REV1: variants seen among roughly 807,000 people sequenced by gnomAD.
REV1 encodes the protein REV1 DNA directed polymerase, also known as translesion synthesis protein REV1.
A neutral mutation model predicts 137.4 loss-of-function variants in REV1; 42 were observed. The ratio of observed to expected loss-of-function variants is 0.31; its 90% CI spans 0.24 to 0.40. The LOEUF (loss-of-function observed/expected upper bound fraction) is 0.40, where lower values mean the gene tolerates loss of function less well. Among genes scored for constraint, REV1 ranks in the 10% least tolerant of loss-of-function variants. REV1 has a pLI of 1.00. For synonymous variants in REV1, 524 were observed against 519.2 expected (o/e 1.01, Z -0.12); for missense variants, 1,282 against 1,490.1 (o/e 0.86, Z 2.30).
At chr2:99,460,146 G>A (rs530571221) in intron 3 of REV1, among the ~76,000 whole-genome samples, 3 of 152,130 alleles carry the variant, frequency 2.0e-5, no homozygotes, top group African/African-American at 4.8e-5. Flanking sequence ...GCGCAATCTC[G>A]GCTCACTTCA....
chr2:99,447,785 T>C (rs1215925775), intron 4 of REV1, among the ~76,000 whole-genome samples: 5 of 151,556 alleles, frequency 3.3e-5, no homozygotes, highest in African/African-American at 7.3e-5. Flanking sequence ...AGTGGCGCCA[T>C]CTCAGCTCAC....
At chr2:99,458,996 C>A (rs1683846810) in intron 3 of REV1, among the ~76,000 whole-genome samples, 1 of 151,972 alleles carries the variant, frequency 6.6e-6, no homozygotes, top group Non-Finnish European at 1.5e-5. Context: ...ATCACGAGGT[C>A]AGGAGATCAA....
In REV1 at chr2:99,442,334, T is replaced by A; in HGVS notation, c.486A>T (p.Lys162Asn). The A allele has an allele frequency of 6.2e-7, 1 of 1,612,082 alleles. No individual in the cohort carries two copies. The highest frequency in any genetic ancestry group is 8.5e-7 in the Non-Finnish European group (1 of 1,179,166). Residue 162 changes from lysine to asparagine, a missense_variant, in exon 5 of 23, where the codon AAA becomes AAT. Around this residue, in one of 7 missense-constraint regions of REV1, gnomAD observed 432 missense variants for 438.0 expected, o/e 0.99. Transcript: ENST00000258428. ...AAACTTACACCCTGTTGTTGAGCTGTTTGGCTATATTGCTTGGACCTGGCA... is the reference window on the plus strand; with the variant it reads ...AAACTTACACCCTGTTGTTGAGCTGATTGGCTATATTGCTTGGACCTGGCA... ...DPLPGPSNIA[K>N]QLNNRVNHIV...
chr2:99,469,226 G>A (rs568819335), intron 1 of REV1, among the ~76,000 whole-genome samples: 40 of 152,294 alleles, frequency 2.6e-4, no homozygotes, highest in African/African-American at 9.4e-4. Context: ...TCCCCCGTAA[G>A]TTTTAGGTTT....
intron 1 of REV1, among the ~76,000 whole-genome samples, chr2:99,478,782 G>A (rs1057172888): frequency 2.0e-5 from 3 of 152,122 alleles, no homozygotes; most frequent in East Asian, 3.9e-4. Context: ...CAACTCCAAC[G>A]TTTCTGATTC....
chr2:99,462,862 C>A (rs775956926), intron 2 of REV1: 7 of 337,924 alleles, frequency 2.1e-5, no homozygotes, highest in African/African-American at 4.4e-5. Flanking sequence ...CTGAGGCAGG[C>A]GGATCACCTG....
chr2:99,487,641 A>G (rs1308571981), intron 1 of REV1, among the ~76,000 whole-genome samples: 1 of 119,164 alleles, frequency 8.4e-6, no homozygotes, highest in East Asian at 2.2e-4. Flanking sequence ...ATTATAGTAA[A>G]AAAAAACTTT....
At chr2:99,439,364 A>C in intron 5 of REV1, 54 bp from the exon 6 acceptor site, 1 of 1,273,600 alleles carries the variant, frequency 7.9e-7, no homozygotes, top group Non-Finnish European at 1.1e-6. Context: ...AGGTTAAAAC[A>C]ATTTTTTCAT....
chr2:99,489,483 G>A (rs1360439175), intron 1 of REV1, among the ~76,000 whole-genome samples: 2 of 147,398 alleles, frequency 1.4e-5, no homozygotes, highest in African/African-American at 5.0e-5. Context: ...GCGGCCGGGC[G>A]CGGAGGGAAG....
intron 16 of REV1, 58 bp downstream of exon 16, chr2:99,406,267 C>A: frequency 6.6e-7 from 1 of 1,510,254 alleles, no homozygotes; most frequent in Non-Finnish European, 8.9e-7. Flanking sequence ...AAACCAACTG[C>A]CGTCTTTCCA....
intron 3 of REV1, 139 bp downstream of exon 3, chr2:99,462,357 T>C (rs890493237): frequency 3.8e-6 from 3 of 794,398 alleles, no homozygotes; most frequent in Non-Finnish European, 5.8e-6. Flanking sequence ...AAAAGAAGTA[T>C]CTAAGCAGAT....
intron 3 of REV1, among the ~76,000 whole-genome samples, chr2:99,455,682 A>G (rs1237164161): frequency 2.0e-5 from 3 of 152,200 alleles, no homozygotes; most frequent in Admixed American, 6.5e-5. Flanking sequence ...ATACAAAATA[A>G]TATCTGGGAG....
chr2:99,465,554 C>T (rs1684700654), intron 1 of REV1, among the ~76,000 whole-genome samples: 1 of 152,210 alleles, frequency 6.6e-6, no homozygotes, highest in Admixed American at 6.5e-5. Context: ...GCAACACTTA[C>T]TTAACTAACT....
At chr2:99,404,710 A>G in intron 17 of REV1, 33 bp from the exon 18 acceptor site, 14 of 1,481,300 alleles carry the variant, frequency 9.5e-6, no homozygotes, top group Non-Finnish European at 1.3e-5. Context: ...GTAGGAAGTT[A>G]AAGCATGCTC....
intron 1 of REV1, among the ~76,000 whole-genome samples, chr2:99,468,349 T>C (rs1313090385): frequency 1.3e-5 from 2 of 152,200 alleles, no homozygotes; most frequent in African/African-American, 2.4e-5. Flanking sequence ...GGACTTTCCC[T>C]AGAACGGAGG....
At chr2:99,451,327 T>C in intron 3 of REV1, 1 of 1,205,482 alleles carries the variant, frequency 8.3e-7, no homozygotes, top group East Asian at 5.7e-5. Flanking sequence ...TCCATATACA[T>C]ACTCATAAAG....
chr2:99,403,379 T>A, intron 19 of REV1: 1 of 555,860 alleles, frequency 1.8e-6, no homozygotes, highest in Non-Finnish European at 3.2e-6. Context: ...TGATGCATTT[T>A]GAACCAACAT....
chr2:99,426,973 A>G (rs1679466662), intron 9 of REV1, among the ~76,000 whole-genome samples: 1 of 152,166 alleles, frequency 6.6e-6, no homozygotes, highest in African/African-American at 2.4e-5. Flanking sequence ...TCACGAGGTC[A>G]GGAGTTCAAG....
At chr2:99,453,131 G>A (rs1683108100) in intron 3 of REV1, among the ~76,000 whole-genome samples, 1 of 151,980 alleles carries the variant, frequency 6.6e-6, no homozygotes, top group Admixed American at 6.6e-5. Context: ...GAGGCCAAGG[G>A]GGAGGGATCA....
Sources: allele counts gnomAD v4.1 joint callset (sites outside exome capture counted in the v4.1 genomes callset), GRCh38; gene constraint gnomAD v4.1.1; regional missense constraint gnomAD v4.1.1; transcripts MANE v1.5; gene names NCBI Gene and HGNC (gene_info 2026-07-23, HGNC 2026-07-21).